BCR: variants seen among roughly 807,000 people sequenced by gnomAD.
BCR encodes BCR activator of RhoGEF and GTPase.
A neutral mutation model predicts 138.6 loss-of-function variants in BCR; 58 were observed. The observed-to-expected ratio is 0.42, with a 90% CI of 0.34 to 0.52. The LOEUF (loss-of-function observed/expected upper bound fraction) is 0.52, where lower values mean the gene tolerates loss of function less well. Ranked by LOEUF, BCR falls within the 20% of genes least tolerant of loss-of-function variation. The pLI is 0.06. For missense variants in BCR, 1,599 were observed against 1,727.2 expected (o/e 0.93, Z 1.32); for synonymous variants, 786 against 730.1 (o/e 1.08, Z -1.23).
chr22:23,292,573 G>T lies in BCR; in HGVS notation c.2815G>T (p.Gly939Trp). ...LYCTLEVDSF[G>W]YFVNKAKTRV... is the part of the protein sequence containing the mutation. ...CTGCACCCTGGAGGTGGATTCCTTT[G>T]GGTATTTTGTGAATAAAGCAAAGAC... Residue 939 changes from glycine to tryptophan, a missense_variant, in exon 15 of 23, where the codon GGG (glycine) becomes TGG (tryptophan). Transcript: ENST00000305877. 6.2e-7 allele frequency: 1 copy of T among 1,613,632 alleles called. No individual in the cohort carries two copies. The highest frequency in any genetic ancestry group is 8.5e-7 in the Non-Finnish European group (1 of 1,179,710).
intron 7 of BCR, among the ~76,000 whole-genome samples, 189 bp from the exon 8 acceptor site, chr22:23,273,445 G>A (rs116079560): frequency 0.023 from 3,438 of 152,324 alleles, 63 homozygotes; most frequent in Non-Finnish European, 0.027. Flanking sequence ...AACACATGTA[G>A]GACCTGCTTC....
intron 1 of BCR, among the ~76,000 whole-genome samples, chr22:23,227,127 A>G (rs1488332891): frequency 6.6e-6 from 1 of 152,232 alleles, no homozygotes; most frequent in African/African-American, 2.4e-5. Flanking sequence ...AATGATTGAT[A>G]GGGTAGAAAA....
Position 23,292,632 on chromosome 22 carries a change from G to T in BCR, c.2874G>T (p.Trp958Cys), listed in dbSNP as rs2073801272. The T allele has an allele frequency of 3.1e-6, 5 of 1,611,062 alleles. No individual in the cohort carries two copies. Among genetic ancestry groups the T allele is most frequent in the Non-Finnish European group, 4.2e-6 (5 of 1,178,138 alleles). The change falls in exon 15 of 23, where the codon TGG becomes TGT. Residue 958 changes from tryptophan to cysteine, a missense_variant. Physicochemically the swap from Trp to Cys is radical, Grantham distance 215. Coordinates refer to ENST00000305877, the MANE Select transcript of BCR (RefSeq NM_004327.4). The part of the protein sequence containing the change: ...RVYRDTAEPN[W>C]NEEFEIELEG... ...ACAGGGACACAGCTGAGCCAAACTG[G>T]AACGAGGTGAGGAACTGATTCCACA...
At chr22:23,272,748 T>C (rs921834435) in intron 6 of BCR, among the ~76,000 whole-genome samples, 2 of 152,062 alleles carry the variant, frequency 1.3e-5, no homozygotes, top group East Asian at 1.9e-4. Context: ...CCCTCCAGAA[T>C]TGGGGCCCAC....
In BCR at chr22:23,312,881, T is replaced by C; in HGVS notation, c.3323-6T>C. 6.3e-7 allele frequency: 1 copy of C among 1,596,252 alleles called. No homozygotes were observed. The highest frequency in any genetic ancestry group is 8.5e-7 in the Non-Finnish European group (1 of 1,178,776). On this transcript the variant is annotated splice_polypyrimidine_tract_variant and splice_region_variant and intron_variant, in intron 19 of 22. Coordinates refer to ENST00000305877, the MANE Select transcript of BCR (RefSeq NM_004327.4). ...GGAGGCCGCTGCATTTCCGTGCTCTTTCCAGATAACAAGGACGTGTCGGTG... is the reference window on the plus strand; with the variant it reads ...GGAGGCCGCTGCATTTCCGTGCTCTCTCCAGATAACAAGGACGTGTCGGTG...
chr22:23,254,517 G>A (rs776806123), intron 2 of BCR: 41 of 518,842 alleles, frequency 7.9e-5, no homozygotes, highest in African/African-American at 1.9e-4. Context: ...AGTGAGTAGC[G>A]GCACATTCAG....
At chr22:23,263,840 C>T in intron 4 of BCR, 1 of 1,079,586 alleles carries the variant, frequency 9.3e-7, no homozygotes. Flanking sequence ...GTTTATACAC[C>T]ATCCAGACTG....
chr22:23,206,356 C>T (rs888877190), intron 1 of BCR, among the ~76,000 whole-genome samples: 6 of 152,194 alleles, frequency 3.9e-5, no homozygotes, highest in African/African-American at 9.6e-5. Context: ...GGGCGGATCA[C>T]GAGGTCAGGA....
At chr22:23,303,193 T>C (rs968115677) in intron 16 of BCR, among the ~76,000 whole-genome samples, 15 of 152,282 alleles carry the variant, frequency 9.9e-5, no homozygotes, top group African/African-American at 3.4e-4. Flanking sequence ...AGAGGTATGT[T>C]TTATGTCTCT....
chr22:23,296,034 C>G lies in BCR; in HGVS notation c.3012+879C>G, dbSNP rs147078243. ...TAGAAGCACAGGGCTCCTCAGGAAG[C>G]CCAGTCTCCCTCCCTAAGCAGGAAG... On this transcript the variant is annotated intron_variant, in intron 16 of 22. Transcript: ENST00000305877. 9.9e-5 allele frequency among the ~76,000 whole-genome samples: 15 copies of G among 152,244 alleles called. No individual in the cohort carries two copies. In the East Asian group the frequency reaches 2.9e-3, roughly 29 times the overall value.
At chr22:23,240,323 G>GTGTT (rs904079329) in intron 1 of BCR, among the ~76,000 whole-genome samples, 1 of 151,732 alleles carries the variant, frequency 6.6e-6, no homozygotes, top group Non-Finnish European at 1.5e-5. Context: ...GTGTGTGTGT[G>GTGTT]TGTGTGTGTG....
intron 1 of BCR, among the ~76,000 whole-genome samples, chr22:23,209,896 CTG>C (rs1268621360): frequency 6.6e-6 from 1 of 152,202 alleles, no homozygotes; most frequent in South Asian, 2.1e-4. Flanking sequence ...CCCTGAGTAA[CTG>C]TGATTACAGA....
intron 4 of BCR, chr22:23,264,270 AGCCCT>A: frequency 1.1e-6 from 1 of 925,466 alleles, no homozygotes; most frequent in East Asian, 2.4e-5. Flanking sequence ...CCGCCTCGGC[AGCCCT>A]GTGTACTGCC....
chr22:23,291,365 T>C (rs921199469), intron 14 of BCR, among the ~76,000 whole-genome samples: 1 of 151,992 alleles, frequency 6.6e-6, no homozygotes, highest in Admixed American at 6.6e-5. Flanking sequence ...ACTGTGGTGC[T>C]GTTTGCGCTC....
chr22:23,316,072 G>C lies in BCR; in HGVS notation c.*550G>C. On this transcript the variant is annotated 3_prime_UTR_variant, in exon 23 of 23. Coordinates refer to ENST00000305877, the MANE Select transcript of BCR (RefSeq NM_004327.4). ...CTTAGTCAGCACTGGGTAGCGTTTT[G>C]ACTCCATTCTTGGCTTTCTTTTTCT... 5.8e-6 allele frequency: 1 copy of C among 171,954 alleles called. No individual in the cohort carries two copies. The highest frequency in any genetic ancestry group is 7.6e-5 in the Admixed American group (1 of 13,166). 10.7% of individuals were successfully genotyped at this position (171,954 alleles called of 1,614,324 possible).
intron 1 of BCR, among the ~76,000 whole-genome samples, chr22:23,230,668 C>T (rs140250531): frequency 0.011 from 1,649 of 152,326 alleles, 16 homozygotes; most frequent in Non-Finnish European, 0.02. Context: ...ATGGTCTTTG[C>T]AGGGTAGGCA....
intron 1 of BCR, among the ~76,000 whole-genome samples, chr22:23,214,576 C>T (rs527239299): frequency 6.6e-6 from 1 of 152,200 alleles, no homozygotes; most frequent in Non-Finnish European, 1.5e-5. Context: ...TTTCGTGCTT[C>T]GTGTGCCCTC....
At position 23,310,932 on chromosome 22, in the gene BCR, G is replaced by A. The variant is rs376167928; in HGVS notation, c.3182+499G>A. The stretch of plus-strand genomic sequence containing the variant: ...ACTCCTATCTGTGTCTAAACACCAC[G>A]CCCCACCCCCAACTGCACGGCAGCC... On this transcript the variant is annotated intron_variant, in intron 18 of 22. Coordinates refer to ENST00000305877, the MANE Select transcript of BCR (RefSeq NM_004327.4). Among the ~76,000 whole-genome samples, 168 of 150,832 alleles carry A rather than the reference G, an allele frequency of 1.1e-3. No homozygotes were observed. The South Asian group carries it at 0.02, about 18-fold the overall frequency.
Position 23,292,360 on chromosome 22 carries a change from G to A in BCR, c.2783-181G>A, listed in dbSNP as rs75980526. ...ATTCCACAGAGCGGGCAGGGGCATCGCATGAGGTGCTGGTGTTCACGCCAG... is the reference window on the plus strand; with the variant it reads ...ATTCCACAGAGCGGGCAGGGGCATCACATGAGGTGCTGGTGTTCACGCCAG... On this transcript the variant is annotated intron_variant, in intron 14 of 22. Transcript: ENST00000305877. Among the ~76,000 whole-genome samples the A allele has an allele frequency of 3.7e-3, 569 of 152,304 alleles. 8 individuals carry two copies. The highest frequency in any genetic ancestry group is 7.3e-3 in the South Asian group (35 of 4,824).
Sources: gnomAD v4.1 joint callset for allele counts (sites outside exome capture counted in the v4.1 genomes callset) on GRCh38, gnomAD v4.1.1 for gene constraint, MANE v1.5 for transcripts, NCBI Gene and HGNC (gene_info 2026-07-23, HGNC 2026-07-21) for gene names.